SUMF1: variants seen among roughly 807,000 people sequenced by gnomAD.
SUMF1 encodes the protein formylglycine-generating enzyme.
Under a neutral mutation model 47.6 loss-of-function variants are expected in SUMF1, and 48 were observed. The observed-to-expected ratio is 1.01, with a 90% CI of 0.80 to 1.28. SUMF1 has a LOEUF of 1.28. Among genes scored for constraint, SUMF1 ranks in the 50% most tolerant of loss-of-function variants. SUMF1 has a pLI of 0.00. For missense variants in SUMF1, 571 were observed against 485.4 expected, an observed-to-expected ratio of 1.18 and a Z score of -1.66; for synonymous variants, 230 against 192.1, an observed-to-expected ratio of 1.20 and a Z score of -1.63.
downstream of SUMF1, among the ~76,000 whole-genome samples, chr3:4,360,198 G>A (rs1394549970): frequency 7.3e-5 from 7 of 95,840 alleles, no homozygotes; most frequent in South Asian, 3.9e-4. Context: ...TGCTACCAAT[G>A]TTTGTTCTTT....
intron 3 of SUMF1, among the ~76,000 whole-genome samples, chr3:4,434,855 G>C (rs761590099): frequency 1.3e-5 from 2 of 152,106 alleles, no homozygotes; most frequent in Admixed American, 1.3e-4. Flanking sequence ...CCAGAGACCC[G>C]ATACTGGAGG....
chr3:4,219,068 G>A (rs77236961), intron 8 of SUMF1, among the ~76,000 whole-genome samples: 2,785 of 152,138 alleles, frequency 0.018, 41 homozygotes, highest in Non-Finnish European at 0.022. Context: ...AGCAGTAGCA[G>A]GATTAATGTC....
chr3:4,104,177 T>C (rs1206117550), intron 8 of SUMF1, among the ~76,000 whole-genome samples: 1 of 152,094 alleles, frequency 6.6e-6, no homozygotes, highest in Admixed American at 6.5e-5. Context: ...GTTTCCCCCT[T>C]ACTGTTCTCC....
At chr3:4,204,021 C>A (rs977895575) in intron 8 of SUMF1, among the ~76,000 whole-genome samples, 2 of 152,014 alleles carry the variant, frequency 1.3e-5, no homozygotes, top group Non-Finnish European at 2.9e-5. Context: ...TTATATACCA[C>A]AATTACAGTG....
At chr3:4,393,780 T>C (rs1217612439) in intron 7 of SUMF1, among the ~76,000 whole-genome samples, 1 of 152,150 alleles carries the variant, frequency 6.6e-6, no homozygotes, top group African/African-American at 2.4e-5. Flanking sequence ...GAATCAACAC[T>C]TCTCAATTTA....
chr3:4,317,180 A>G lies in SUMF1; in HGVS notation c.1014+59150T>C. 4 of 1,550,318 alleles carry G rather than the reference A, an allele frequency of 2.6e-6. No individual in the cohort carries two copies. In the South Asian group the frequency reaches 3.6e-5, roughly 14 times the overall value. Reference sequence around the variant, plus strand: ...CCCAAAGCACGGATTTTTACGCTACAGGAATAAACCAACTTATTTCTCGTT... The same window carrying G: ...CCCAAAGCACGGATTTTTACGCTACGGGAATAAACCAACTTATTTCTCGTT... On this transcript the variant is annotated intron_variant and NMD_transcript_variant, in intron 8 of 12. Transcript: ENST00000448413.
intron 3 of SUMF1, among the ~76,000 whole-genome samples, chr3:4,434,256 G>A (rs573382048): frequency 6.6e-6 from 1 of 152,160 alleles, no homozygotes; most frequent in African/African-American, 2.4e-5. Flanking sequence ...CTTAAAAATG[G>A]TTAAAATGGT....
In SUMF1 at chr3:4,275,887, A is replaced by G. The variant is rs559480576; in HGVS notation, c.1014+100443T>C. 2.0e-5 allele frequency among the ~76,000 whole-genome samples: 3 copies of G among 152,310 alleles called. No homozygotes were observed. In the South Asian group the frequency reaches 6.2e-4, roughly 32 times the overall value. On this transcript the variant is annotated intron_variant and NMD_transcript_variant, in intron 8 of 12. Transcript: ENST00000448413. The stretch of plus-strand genomic sequence containing the variant: ...TTTAGAACAGTAGCAGAAAATAATC[A>G]TATTGGCCTGTTTCTGCTCACATAC...
chr3:4,377,723 C>T (rs754604457), intron 7 of SUMF1, among the ~76,000 whole-genome samples: 1 of 152,124 alleles, frequency 6.6e-6, no homozygotes, highest in Non-Finnish European at 1.5e-5. Context: ...TCAGGTAAGG[C>T]ATACACAGCA....
intron 8 of SUMF1, among the ~76,000 whole-genome samples, chr3:4,133,632 T>C (rs901356698): frequency 1.3e-5 from 2 of 151,986 alleles, no homozygotes; most frequent in Non-Finnish European, 2.9e-5. Flanking sequence ...GAGACTGGCC[T>C]AGCCTTTCAC....
At chr3:4,258,363 T>C (rs1169216367) in intron 8 of SUMF1, among the ~76,000 whole-genome samples, 2 of 144,680 alleles carry the variant, frequency 1.4e-5, no homozygotes, top group African/African-American at 5.3e-5. Context: ...AACCTACTCA[T>C]CTGACAAAGG....
intron 8 of SUMF1, among the ~76,000 whole-genome samples, chr3:4,235,811 C>G (rs1393443508): frequency 1.3e-5 from 2 of 152,030 alleles, no homozygotes; most frequent in African/African-American, 4.8e-5. Flanking sequence ...CATCTCCCTC[C>G]CCTTCTTTTC....
chr3:4,268,791 A>C (rs1697249080), intron 8 of SUMF1, among the ~76,000 whole-genome samples: 1 of 152,044 alleles, frequency 6.6e-6, no homozygotes, highest in African/African-American at 2.4e-5. Flanking sequence ...ACCACTCTCC[A>C]CTTAGCTACT....
At chr3:4,358,115 A>G (rs1182101477), downstream of SUMF1, among the ~76,000 whole-genome samples, 1 of 152,096 alleles carries the variant, frequency 6.6e-6, no homozygotes, top group Non-Finnish European at 1.5e-5. Context: ...TTCCATGAAG[A>G]AAAGGTCCCT....
At chr3:4,379,359 T>C (rs960081644) in intron 7 of SUMF1, among the ~76,000 whole-genome samples, 1 of 152,130 alleles carries the variant, frequency 6.6e-6, no homozygotes, top group Non-Finnish European at 1.5e-5. Context: ...GAGGAGAGGA[T>C]GCACAGAGGA....
At chr3:4,038,732 T>C (rs1481365117) in intron 9 of SUMF1, among the ~76,000 whole-genome samples, 2 of 152,140 alleles carry the variant, frequency 1.3e-5, no homozygotes, top group Non-Finnish European at 2.9e-5. Flanking sequence ...GCAGCAGGAA[T>C]AGAACCACTG....
chr3:4,084,711 G>A (rs1013179761), intron 8 of SUMF1, among the ~76,000 whole-genome samples: 1 of 152,104 alleles, frequency 6.6e-6, no homozygotes, highest in African/African-American at 2.4e-5. Flanking sequence ...AAATTGGGAA[G>A]ATAGTACCTT....
At position 4,159,743 on chromosome 3, in the gene SUMF1, G is replaced by C. The variant is rs140883596; in HGVS notation, c.1015-90998C>G. Among the ~76,000 whole-genome samples the C allele has an allele frequency of 3.0e-3, 456 of 152,232 alleles. 4 individuals carry two copies. The highest frequency in any genetic ancestry group is 0.01 in the African/African-American group (424 of 41,534). ...TAGCATTTCTTATAGGACAGACCTG[G>C]TGTTGATGAAATCCCTCAGCTTTTG... is the stretch of plus-strand genomic sequence containing the variant. On this transcript the variant is annotated intron_variant and NMD_transcript_variant, in intron 8 of 12. Coordinates refer to the SUMF1 transcript ENST00000448413.
chr3:4,193,113 A>T (rs979591856), intron 8 of SUMF1, among the ~76,000 whole-genome samples: 2 of 152,122 alleles, frequency 1.3e-5, no homozygotes, highest in Admixed American at 1.3e-4. Context: ...TTCTGCAATG[A>T]TCATAATGTT....
Sources: gnomAD v4.1 joint callset for allele counts (sites outside exome capture counted in the v4.1 genomes callset) on GRCh38, gnomAD v4.1.1 for gene constraint, MANE v1.5 for transcripts, NCBI Gene and HGNC (gene_info 2026-07-23, HGNC 2026-07-21) for gene names.